The following SEC62 variants were observed in gnomAD, a reference collection of about 807,000 sequenced individuals.
SEC62 encodes SEC62 preprotein translocation factor, also known as translocation protein SEC62.
SEC62 carries 10 observed loss-of-function variants against 47.5 expected under a neutral mutation model. That is an observed-to-expected ratio of 0.21 (90% CI 0.13 to 0.36). The LOEUF is 0.36. Ranked by LOEUF, SEC62 falls within the 10% of genes least tolerant of loss-of-function variation. The pLI is 1.00. For missense variants in SEC62, 327 were observed against 464.1 expected, an observed-to-expected ratio of 0.70 and a Z score of 2.71; for synonymous variants, 136 against 150.5, an observed-to-expected ratio of 0.90 and a Z score of 0.71.
intron 5 of SEC62, chr3:169,983,814 G>A (rs1715035054): frequency 1.3e-5 from 2 of 152,128 alleles, no homozygotes. Context: ...TATACAGGAT[G>A]ATTATTTGCC....
At chr3:169,981,270 G>T (rs1220446102) in intron 3 of SEC62, among the ~76,000 whole-genome samples, 2 of 152,216 alleles carry the variant, frequency 1.3e-5, no homozygotes, top group Non-Finnish European at 2.9e-5. Context: ...GCCAAATGAG[G>T]AAACCTAGAA....
chr3:169,982,672 T>A (rs754300259), intron 3 of SEC62, 35 bp from the exon 4 acceptor site: 1 of 1,598,902 alleles, frequency 6.3e-7, no homozygotes, highest in Non-Finnish European at 8.5e-7. Flanking sequence ...TCTATCTATA[T>A]GGGGAGTGTA....
At chr3:169,988,474 T>C (rs1006464106) in intron 7 of SEC62, 115 bp downstream of exon 7, 14 of 1,124,138 alleles carry the variant, frequency 1.2e-5, no homozygotes, top group Admixed American at 7.7e-5. Flanking sequence ...TCAAGAAATA[T>C]ATGGTACTAC....
chr3:169,989,537 T>C (rs2038765122), intron 7 of SEC62, among the ~76,000 whole-genome samples: 1 of 151,812 alleles, frequency 6.6e-6, no homozygotes, highest in Non-Finnish European at 1.5e-5. Flanking sequence ...GTCATAAACT[T>C]TGATCTGACA....
rs1715412241 is a variant in SEC62 at position 169,997,574 on chromosome 3, C to G, written c.*4511C>G. The G allele has an allele frequency of 6.6e-6, 1 of 152,246 alleles. No individual in the cohort carries two copies. Among genetic ancestry groups the G allele is most frequent in the Admixed American group, 6.5e-5 (1 of 15,276 alleles). The allele number at this position is 152,246 out of a possible 1,614,324, so 9.4% of individuals were successfully genotyped here. On this transcript the variant is annotated 3_prime_UTR_variant, in exon 8 of 8. Transcript: ENST00000337002. Reference sequence around the variant, plus strand: ...TCCGCCTCCTGAGGTTCAAGTGATCCTCCTGCCTCAGCCTCCCAAGTAGCT... The same window carrying G: ...TCCGCCTCCTGAGGTTCAAGTGATCGTCCTGCCTCAGCCTCCCAAGTAGCT...
Position 169,969,017 on chromosome 3 carries a change from C to T in SEC62, c.36+2159C>T, listed in dbSNP as rs1714627466. Among the ~76,000 whole-genome samples the T allele has an allele frequency of 2.6e-5, 4 of 152,118 alleles. No homozygotes were observed. In the South Asian group the frequency reaches 8.3e-4, roughly 32 times the overall value. On this transcript the variant is annotated intron_variant, in intron 1 of 7. Coordinates refer to ENST00000337002, the MANE Select transcript of SEC62 (RefSeq NM_003262.4). ...TTCCAGATAATCAGAAACTATAATA[C>T]ATCACTTGTGATAAAAAGATCAAAT...
At chr3:169,989,949 T>C (rs1715199194) in intron 7 of SEC62, among the ~76,000 whole-genome samples, 1 of 148,352 alleles carries the variant, frequency 6.7e-6, no homozygotes, top group Admixed American at 6.8e-5. Flanking sequence ...ATATCGCATA[T>C]AATATATATC....
intron 6 of SEC62, among the ~76,000 whole-genome samples, 176 bp downstream of exon 6, chr3:169,986,041 A>T (rs532205941): frequency 6.6e-6 from 1 of 152,228 alleles, no homozygotes; most frequent in Non-Finnish European, 1.5e-5. Context: ...GAAACATATT[A>T]AAGATCTTTT....
intron 5 of SEC62, chr3:169,983,483 T>C (rs1375235475): frequency 6.5e-6 from 2 of 309,474 alleles, no homozygotes; most frequent in African/African-American, 2.2e-5. Flanking sequence ...TAATACAAAA[T>C]AGATGCTTAT....
intron 3 of SEC62, among the ~76,000 whole-genome samples, chr3:169,979,219 C>T (rs1008775268): frequency 1.3e-5 from 2 of 152,164 alleles, no homozygotes; most frequent in African/African-American, 4.8e-5. Flanking sequence ...TCCAGAGCCA[C>T]TTCTAATATA....
At chr3:169,967,765 G>T (rs529133092) in intron 1 of SEC62, among the ~76,000 whole-genome samples, 1 of 152,188 alleles carries the variant, frequency 6.6e-6, no homozygotes, top group South Asian at 2.1e-4. Flanking sequence ...CCCTCAAATT[G>T]ATCACATGTA....
chr3:169,976,559 A>G (rs913509078), intron 2 of SEC62, among the ~76,000 whole-genome samples: 3 of 152,216 alleles, frequency 2.0e-5, no homozygotes, highest in Non-Finnish European at 4.4e-5. Flanking sequence ...TCCTCAGTGT[A>G]TTAGAGTAAA....
intron 2 of SEC62, among the ~76,000 whole-genome samples, 182 bp downstream of exon 2, chr3:169,975,898 A>G (rs1714824236): frequency 6.6e-6 from 1 of 152,248 alleles, no homozygotes; most frequent in Non-Finnish European, 1.5e-5. Flanking sequence ...AAAAGATAAC[A>G]TGTTTTCTAA....
At chr3:169,973,145 T>C (rs1714742570) in intron 1 of SEC62, among the ~76,000 whole-genome samples, 1 of 152,210 alleles carries the variant, frequency 6.6e-6, no homozygotes, top group South Asian at 2.1e-4. Flanking sequence ...CTCTGCGAAG[T>C]GTAGTGTATT....
intron 4 of SEC62, 37 bp from the exon 5 acceptor site, chr3:169,983,124 T>G (rs773563888): frequency 6.5e-7 from 1 of 1,530,832 alleles, no homozygotes; most frequent in Non-Finnish European, 9.0e-7. Flanking sequence ...TCTTGCTTAC[T>G]TGTGTTATTT....
chr3:169,974,704 A>G (rs955712875), intron 1 of SEC62, among the ~76,000 whole-genome samples: 7 of 152,190 alleles, frequency 4.6e-5, no homozygotes, highest in Non-Finnish European at 8.8e-5. Flanking sequence ...AGAAGATGAG[A>G]AAGACAGTCC....
At chr3:169,990,154 T>G (rs1428646289) in intron 7 of SEC62, among the ~76,000 whole-genome samples, 2 of 151,586 alleles carry the variant, frequency 1.3e-5, no homozygotes. Context: ...CAGGGTAAAG[T>G]ACCATGGCAG....
intron 1 of SEC62, among the ~76,000 whole-genome samples, chr3:169,974,867 A>G (rs1001513844): frequency 1.3e-5 from 2 of 152,214 alleles, no homozygotes; most frequent in Non-Finnish European, 2.9e-5. Context: ...TGTTCAGGAT[A>G]CATATCTTTG....
At chr3:169,990,009 TAATATTATATATC>T (rs1396361542) in intron 7 of SEC62, among the ~76,000 whole-genome samples, 11 of 98,378 alleles carry the variant, frequency 1.1e-4, no homozygotes, top group Non-Finnish European at 1.8e-4. Context: ...TGATATATCA[TAATATTATATATC>T]ATATATATCA....
Sources: gnomAD v4.1 joint callset for allele counts (sites outside exome capture counted in the v4.1 genomes callset) on GRCh38, gnomAD v4.1.1 for gene constraint, MANE v1.5 for transcripts, NCBI Gene and HGNC (gene_info 2026-07-23, HGNC 2026-07-21) for gene names.